The following LDB2 variants were observed in gnomAD, a reference collection of about 807,000 sequenced individuals.
LDB2 encodes the protein LIM domain-binding protein 2.
LDB2 carries 12 observed loss-of-function variants against 44.3 expected under a neutral mutation model. The ratio of observed to expected loss-of-function variants is 0.27; its 90% CI spans 0.17 to 0.44. The LOEUF is 0.44. Ranked by LOEUF, LDB2 falls within the 20% of genes least tolerant of loss-of-function variation. The probability of loss-of-function intolerance (pLI) is 1.00; values close to 1 mark genes in which losing one functional copy is unlikely to be tolerated. For missense variants in LDB2, 344 were observed against 473.5 expected (o/e 0.73, Z 2.54); for synonymous variants, 164 against 174.8 (o/e 0.94, Z 0.49).
chr4:16,759,982 G>C (rs781309053), intron 1 of LDB2, among the ~76,000 whole-genome samples: 1 of 152,136 alleles, frequency 6.6e-6, no homozygotes, highest in Non-Finnish European at 1.5e-5. Flanking sequence ...CTTTGGAAGC[G>C]GCCCAGTTTA....
intron 5 of LDB2, among the ~76,000 whole-genome samples, chr4:16,584,432 A>G (rs1179316104): frequency 3.9e-5 from 6 of 152,218 alleles, no homozygotes; most frequent in Non-Finnish European, 8.8e-5. Context: ...AGGCTGCCTG[A>G]GTTCAAGTCC....
chr4:16,639,009 C>T (rs1484581624), intron 2 of LDB2, among the ~76,000 whole-genome samples: 1 of 152,026 alleles, frequency 6.6e-6, no homozygotes, highest in Non-Finnish European at 1.5e-5. Flanking sequence ...CCTGATGTTG[C>T]AAAAAGAGTA....
chr4:16,644,105 C>G (rs988339797), intron 2 of LDB2, among the ~76,000 whole-genome samples: 1 of 152,186 alleles, frequency 6.6e-6, no homozygotes, highest in South Asian at 2.1e-4. Context: ...AGAAACCCAT[C>G]CATTTGGAAT....
chr4:16,739,589 A>AATATAT (rs1553994411), intron 2 of LDB2, among the ~76,000 whole-genome samples: 2 of 64,330 alleles, frequency 3.1e-5, no homozygotes, highest in Non-Finnish European at 5.6e-5. Context: ...AAAAAAAAAA[A>AATATAT]ATATATATAT....
chr4:16,620,224 A>T (rs1728513340), intron 2 of LDB2, among the ~76,000 whole-genome samples: 1 of 152,210 alleles, frequency 6.6e-6, no homozygotes, highest in Non-Finnish European at 1.5e-5. Context: ...CATCCATCAC[A>T]GTTAGTCTCT....
chr4:16,831,864 C>T (rs1784125514), intron 1 of LDB2, among the ~76,000 whole-genome samples: 1 of 152,132 alleles, frequency 6.6e-6, no homozygotes, highest in Non-Finnish European at 1.5e-5. Flanking sequence ...TGAAGAGGCA[C>T]ATCCCTTTCT....
intron 2 of LDB2, among the ~76,000 whole-genome samples, chr4:16,731,442 C>G (rs751869362): frequency 4.6e-5 from 7 of 152,034 alleles, no homozygotes; most frequent in Non-Finnish European, 7.4e-5. Flanking sequence ...TAGATGAGTC[C>G]CACCTGATGG....
intron 5 of LDB2, among the ~76,000 whole-genome samples, chr4:16,556,151 T>C (rs1739497437): frequency 2.0e-5 from 3 of 152,360 alleles, no homozygotes; most frequent in African/African-American, 4.8e-5. Context: ...CATAGACTTA[T>C]TATGTTCCTT....
intron 5 of LDB2, among the ~76,000 whole-genome samples, chr4:16,575,894 G>C (rs1188499887): frequency 6.6e-6 from 1 of 152,116 alleles, no homozygotes; most frequent in Non-Finnish European, 1.5e-5. Context: ...CTGCCATCAC[G>C]CCTGGCTATA....
At chr4:16,633,059 T>C (rs913328627) in intron 2 of LDB2, among the ~76,000 whole-genome samples, 22 of 152,200 alleles carry the variant, frequency 1.4e-4, no homozygotes, top group African/African-American at 4.8e-4. Context: ...AATGATAGAC[T>C]GGATTAAGAA....
At chr4:16,624,954 C>G (rs1264697810) in intron 2 of LDB2, among the ~76,000 whole-genome samples, 2 of 152,160 alleles carry the variant, frequency 1.3e-5, no homozygotes, top group Admixed American at 1.3e-4. Flanking sequence ...CCTAGTCTAA[C>G]CATCTACTAA....
intron 5 of LDB2, among the ~76,000 whole-genome samples, chr4:16,575,931 G>A (rs1748122196): frequency 2.6e-5 from 4 of 152,104 alleles, no homozygotes; most frequent in Admixed American, 2.6e-4. Context: ...ATAGAGATGG[G>A]GTTTCACCAT....
intron 2 of LDB2, among the ~76,000 whole-genome samples, chr4:16,639,278 T>C (rs1734498600): frequency 6.6e-6 from 1 of 152,210 alleles, no homozygotes; most frequent in African/African-American, 2.4e-5. Context: ...AAAAAGCTAA[T>C]TGTGCTAACA....
In LDB2 at chr4:16,635,143, G is replaced by A. The variant is rs539771519; in HGVS notation, c.236-39268C>T. Among the ~76,000 whole-genome samples the A allele has an allele frequency of 2.0e-5, 3 of 152,214 alleles. No individual in the cohort carries two copies. In the South Asian group the frequency reaches 6.2e-4, roughly 32 times the overall value. ...ACATCACACACCACGGCCTGTCAGG[G>A]GGTGGGGAGCAAGGGGAGGGATAAC... is the stretch of plus-strand genomic sequence containing the variant. On this transcript the variant is annotated intron_variant, in intron 2 of 7. Transcript: ENST00000304523.
At chr4:16,806,614 A>C (rs1397286916) in intron 1 of LDB2, among the ~76,000 whole-genome samples, 1 of 84,340 alleles carries the variant, frequency 1.2e-5, no homozygotes, top group Non-Finnish European at 2.7e-5. Context: ...CTTTTGCAGG[A>C]GTTCATTCAG....
At chr4:16,676,988 G>A (rs1219161484) in intron 2 of LDB2, among the ~76,000 whole-genome samples, 1 of 152,124 alleles carries the variant, frequency 6.6e-6, no homozygotes, top group Non-Finnish European at 1.5e-5. Context: ...AGTTGAGATT[G>A]GATTCTTGGC....
intron 2 of LDB2, among the ~76,000 whole-genome samples, chr4:16,678,725 G>A (rs536104230): frequency 4.9e-4 from 74 of 152,284 alleles, no homozygotes; most frequent in African/African-American, 1.7e-3. Context: ...TTGATATGTG[G>A]TATACAAGGG....
intron 2 of LDB2, among the ~76,000 whole-genome samples, chr4:16,623,765 TACAC>T (rs35051593): frequency 2.8e-4 from 41 of 146,868 alleles, no homozygotes; most frequent in Non-Finnish European, 4.8e-4. Flanking sequence ...GAAATATACA[TACAC>T]ACACACACAC....
At chr4:16,657,313 T>G (rs1365996064) in intron 2 of LDB2, among the ~76,000 whole-genome samples, 1 of 152,138 alleles carries the variant, frequency 6.6e-6, no homozygotes, top group Non-Finnish European at 1.5e-5. Flanking sequence ...AAGCTTCGAA[T>G]ATGTCCAGAA....
Sources: allele counts gnomAD v4.1 joint callset (sites outside exome capture counted in the v4.1 genomes callset), GRCh38; gene constraint gnomAD v4.1.1; transcripts MANE v1.5; gene names NCBI Gene and HGNC (gene_info 2026-07-23, HGNC 2026-07-21).